Variants in KIAA1549L observed in about 807,000 individuals in gnomAD.
KIAA1549L encodes UPF0606 protein KIAA1549L.
In KIAA1549L, 88 loss-of-function variants were observed where a neutral mutation model predicts 160.7. The ratio of observed to expected loss-of-function variants is 0.55; its 90% CI spans 0.46 to 0.65. KIAA1549L has a LOEUF of 0.65. Among genes scored for constraint, KIAA1549L ranks in the 30% least tolerant of loss-of-function variants. The probability of loss-of-function intolerance (pLI) is 0.00; values close to 1 mark genes in which losing one functional copy is unlikely to be tolerated. For synonymous variants in KIAA1549L, 950 were observed against 976.7 expected (o/e 0.97, Z 0.51); for missense variants, 2,258 against 2,437.5 (o/e 0.93, Z 1.55).
intron 1 of KIAA1549L, among the ~76,000 whole-genome samples, chr11:33,521,993 T>A (rs1590307910): frequency 2.6e-5 from 4 of 152,208 alleles, no homozygotes; most frequent in Non-Finnish European, 5.9e-5. Context: ...TTCTTTTATG[T>A]CAAATGAGAG....
At chr11:33,438,597 T>G (rs1296414254) in intron 1 of KIAA1549L, among the ~76,000 whole-genome samples, 1 of 152,254 alleles carries the variant, frequency 6.6e-6, no homozygotes, top group African/African-American at 2.4e-5. Flanking sequence ...AGGCAGCACG[T>G]GGGCCTTCCA....
chr11:33,501,938 C>T (rs1229021353), intron 1 of KIAA1549L, among the ~76,000 whole-genome samples: 1 of 152,112 alleles, frequency 6.6e-6, no homozygotes, highest in Non-Finnish European at 1.5e-5. Flanking sequence ...CAGAGCTTAT[C>T]TCAGAATCTG....
At chr11:33,559,120 G>A (rs548800958) in intron 6 of KIAA1549L, among the ~76,000 whole-genome samples, 81 of 152,104 alleles carry the variant, frequency 5.3e-4, no homozygotes, top group African/African-American at 1.9e-3. Context: ...TTACAGGTGT[G>A]AGCCACCGTG....
At chr11:33,586,653 G>T (rs897854515) in intron 11 of KIAA1549L, among the ~76,000 whole-genome samples, 1 of 152,058 alleles carries the variant, frequency 6.6e-6, no homozygotes, top group African/African-American at 2.4e-5. Flanking sequence ...TCTTTTGCAT[G>T]AACATCTGCT....
At chr11:33,594,996 G>A (rs569326320) in intron 12 of KIAA1549L, among the ~76,000 whole-genome samples, 2 of 152,146 alleles carry the variant, frequency 1.3e-5, no homozygotes, top group Non-Finnish European at 2.9e-5. Context: ...TATGAACATA[G>A]TACTTTCAGG....
intron 1 of KIAA1549L, among the ~76,000 whole-genome samples, chr11:33,500,336 G>A (rs1852918381): frequency 6.6e-6 from 1 of 152,068 alleles, no homozygotes; most frequent in Admixed American, 6.6e-5. Flanking sequence ...GAGATGAAGT[G>A]TATATAAAGA....
chr11:33,489,535 A>G (rs893780350), intron 1 of KIAA1549L, among the ~76,000 whole-genome samples: 2 of 152,218 alleles, frequency 1.3e-5, no homozygotes, highest in Non-Finnish European at 2.9e-5. Flanking sequence ...TTACTCATGT[A>G]CAGTCCAGTT....
chr11:33,406,398 C>T (rs896340983), intron 1 of KIAA1549L, among the ~76,000 whole-genome samples: 2 of 152,216 alleles, frequency 1.3e-5, no homozygotes, highest in Non-Finnish European at 2.9e-5. Flanking sequence ...TATGGCAACA[C>T]CAGTGTGCAT....
chr11:33,471,999 C>T (rs1236757238), intron 1 of KIAA1549L, among the ~76,000 whole-genome samples: 1 of 152,174 alleles, frequency 6.6e-6, no homozygotes. Context: ...TCCTTTTATC[C>T]TGTTGCTCTG....
chr11:33,571,479 C>A (rs530047615), intron 9 of KIAA1549L, among the ~76,000 whole-genome samples: 1 of 152,142 alleles, frequency 6.6e-6, no homozygotes, highest in African/African-American at 2.4e-5. Flanking sequence ...TTAACTGGCT[C>A]ATGGTTCTGC....
intron 12 of KIAA1549L, among the ~76,000 whole-genome samples, chr11:33,592,764 GAGA>G (rs1850095184): frequency 6.6e-6 from 1 of 152,212 alleles, no homozygotes; most frequent in African/African-American, 2.4e-5. Flanking sequence ...TAGAGAAATG[GAGA>G]AGGAGACATA....
At chr11:33,427,950 A>C (rs1851153310) in intron 1 of KIAA1549L, among the ~76,000 whole-genome samples, 1 of 152,128 alleles carries the variant, frequency 6.6e-6, no homozygotes, top group Non-Finnish European at 1.5e-5. Context: ...TCAGAATTTC[A>C]TTTCCTTTTA....
chr11:33,549,340 T>A (rs1224166640), intron 4 of KIAA1549L, among the ~76,000 whole-genome samples: 1 of 152,248 alleles, frequency 6.6e-6, no homozygotes, highest in Non-Finnish European at 1.5e-5. Flanking sequence ...GCTCTAAGGC[T>A]GAGCCTGGTA....
rs113332492 is a variant in KIAA1549L, at chr11:33,418,072, C to T, written c.238+41183C>T. Among the ~76,000 whole-genome samples, 10 of 152,334 alleles carry T rather than the reference C, an allele frequency of 6.6e-5. 1 individual carries two copies. The highest frequency in any genetic ancestry group is 2.1e-4 in the South Asian group (1 of 4,830). On this transcript the variant is annotated intron_variant, in intron 1 of 20. Transcript: ENST00000658780. ...GGGATTACAGGCGTGAGCCACCACACCTGGTTCCTATCCCTCTTTTTCTGC... is the reference window on the plus strand; with the variant it reads ...GGGATTACAGGCGTGAGCCACCACATCTGGTTCCTATCCCTCTTTTTCTGC...
intron 1 of KIAA1549L, among the ~76,000 whole-genome samples, chr11:33,407,278 G>A (rs1039534185): frequency 6.6e-6 from 1 of 151,326 alleles, no homozygotes; most frequent in Admixed American, 6.6e-5. Flanking sequence ...TAGAGACGGC[G>A]TTTCACCGTG....
chr11:33,567,336 T>C (rs1238695722), intron 8 of KIAA1549L, among the ~76,000 whole-genome samples: 1 of 152,238 alleles, frequency 6.6e-6, no homozygotes, highest in East Asian at 1.9e-4. Context: ...CACTTTCTTA[T>C]TGCCTTTTTA....
chr11:33,625,586 G>A (rs1030445977), intron 16 of KIAA1549L, among the ~76,000 whole-genome samples: 1 of 152,072 alleles, frequency 6.6e-6, no homozygotes, highest in Non-Finnish European at 1.5e-5. Context: ...CATGTCCTTT[G>A]CCCACTTTTT....
chr11:33,655,643 A>G (rs1462460314), intron 17 of KIAA1549L, among the ~76,000 whole-genome samples: 1 of 152,206 alleles, frequency 6.6e-6, no homozygotes, highest in African/African-American at 2.4e-5. Flanking sequence ...GATCGTTGCC[A>G]TGATGAAAAA....
At chr11:33,403,344 C>CAGACACACATGGACACACACAT (rs1491131023) in intron 1 of KIAA1549L, 9 of 43,072 alleles carry the variant, frequency 2.1e-4, no homozygotes, top group Non-Finnish European at 4.0e-4. Flanking sequence ...CATGCAGACA[C>CAGACACACATGGACACACACAT]GCAGACAGAC....
Sources: allele counts gnomAD v4.1 joint callset (sites outside exome capture counted in the v4.1 genomes callset), GRCh38; gene constraint gnomAD v4.1.1; transcripts MANE v1.5; gene names NCBI Gene and HGNC (gene_info 2026-07-23, HGNC 2026-07-21).